The following MAST4 variants were observed in gnomAD, a reference collection of about 807,000 sequenced individuals.
The protein encoded by MAST4 is microtubule-associated serine/threonine-protein kinase 4.
MAST4 carries 89 observed loss-of-function variants against 162.7 expected under a neutral mutation model. The observed-to-expected ratio is 0.55, with a 90% CI of 0.46 to 0.65. The LOEUF (loss-of-function observed/expected upper bound fraction) is 0.65, where lower values mean the gene tolerates loss of function less well. Ranked by LOEUF, MAST4 falls within the 30% of genes least tolerant of loss-of-function variation. The pLI is 0.00. For missense variants in MAST4, 3,153 were observed against 3,374.0 expected (o/e 0.93, Z 1.62); for synonymous variants, 1,479 against 1,361.1 (o/e 1.09, Z -1.91).
At chr5:66,658,554 A>T (rs1561243188) in intron 1 of MAST4, among the ~76,000 whole-genome samples, 1 of 152,250 alleles carries the variant, frequency 6.6e-6, no homozygotes, top group Non-Finnish European at 1.5e-5. Flanking sequence ...TATTGTTAAA[A>T]TGAATTTGCA....
intron 4 of MAST4, among the ~76,000 whole-genome samples, chr5:66,951,596 ATATGTGTGTGTGTGTG>A (rs1464207149): frequency 1.7e-5 from 2 of 114,760 alleles, no homozygotes; most frequent in Non-Finnish European, 3.7e-5. Context: ...GCCTCCCATG[ATATGTGTGTGTGTGTG>A]TGTGTGTGTG....
chr5:66,676,681 G>A (rs1285678262), intron 1 of MAST4, among the ~76,000 whole-genome samples: 1 of 152,172 alleles, frequency 6.6e-6, no homozygotes, highest in East Asian at 1.9e-4. Flanking sequence ...CTTAATTGGC[G>A]CCAGGCTGCC....
At chr5:66,600,124 T>A (rs1219376373) in intron 1 of MAST4, among the ~76,000 whole-genome samples, 2 of 152,226 alleles carry the variant, frequency 1.3e-5, no homozygotes, top group Non-Finnish European at 2.9e-5. Context: ...ACTTCCAAAG[T>A]CTCACACACT....
At chr5:66,640,263 A>G (rs1444465912) in intron 1 of MAST4, among the ~76,000 whole-genome samples, 9 of 151,486 alleles carry the variant, frequency 5.9e-5, no homozygotes, top group Non-Finnish European at 1.2e-4. Flanking sequence ...TTGAGGGCTA[A>G]TATTCCACTA....
At chr5:66,803,404 A>C (rs1476407482) in intron 3 of MAST4, among the ~76,000 whole-genome samples, 3 of 152,184 alleles carry the variant, frequency 2.0e-5, no homozygotes, top group Non-Finnish European at 4.4e-5. Flanking sequence ...TTGCTCATGA[A>C]ATCCTGTAAG....
chr5:67,112,377 A>T (rs1052857994), intron 11 of MAST4, among the ~76,000 whole-genome samples: 2 of 152,132 alleles, frequency 1.3e-5, no homozygotes, highest in Admixed American at 6.5e-5. Flanking sequence ...GTGTCCTCCA[A>T]TTCCATTCCA....
intron 3 of MAST4, among the ~76,000 whole-genome samples, chr5:66,871,971 C>T (rs575965786): frequency 6.6e-6 from 1 of 152,284 alleles, no homozygotes; most frequent in African/African-American, 2.4e-5. Flanking sequence ...TTTTAAACAT[C>T]TGCCATGTGA....
chr5:66,698,896 C>A (rs1469636282), intron 1 of MAST4, among the ~76,000 whole-genome samples: 1 of 152,174 alleles, frequency 6.6e-6, no homozygotes, highest in Admixed American at 6.5e-5. Flanking sequence ...TGTGGGACAC[C>A]CCCGTTCTCA....
chr5:66,861,824 A>T (rs1273754417), intron 3 of MAST4, among the ~76,000 whole-genome samples: 1 of 152,222 alleles, frequency 6.6e-6, no homozygotes. Context: ...TAGAATTTAT[A>T]GTGATTACAC....
chr5:66,903,814 T>G (rs1677231254), intron 4 of MAST4, among the ~76,000 whole-genome samples: 2 of 152,170 alleles, frequency 1.3e-5, no homozygotes, highest in African/African-American at 2.4e-5. Flanking sequence ...AACTACATAG[T>G]GCGGACATTT....
intron 3 of MAST4, among the ~76,000 whole-genome samples, chr5:66,890,991 T>C (rs1762327640): frequency 6.6e-6 from 1 of 152,336 alleles, no homozygotes; most frequent in Admixed American, 6.5e-5. Context: ...CCACTATTTG[T>C]GTAAAAAATT....
At chr5:67,161,620 G>C (rs1293418525) in intron 27 of MAST4, among the ~76,000 whole-genome samples, 2 of 152,136 alleles carry the variant, frequency 1.3e-5, no homozygotes, top group Non-Finnish European at 2.9e-5. Context: ...AATGGGAGAA[G>C]AAACAGGTAA....
At chr5:66,815,020 T>C (rs2149720858) in intron 3 of MAST4, among the ~76,000 whole-genome samples, 1 of 152,308 alleles carries the variant, frequency 6.6e-6, no homozygotes, top group East Asian at 1.9e-4. Context: ...GCTAGAGGGA[T>C]TCCTACCAGT....
chr5:66,753,140 G>A (rs1440615468), intron 1 of MAST4, among the ~76,000 whole-genome samples: 296 of 151,898 alleles, frequency 1.9e-3, no homozygotes, highest in Middle Eastern at 3.4e-3. Flanking sequence ...TCTCTGGGAC[G>A]CATTCAAAGC....
chr5:66,648,761 A>G (rs10067139), intron 1 of MAST4, among the ~76,000 whole-genome samples: 4,104 of 152,142 alleles, frequency 0.027, 200 homozygotes, highest in African/African-American at 0.092. Flanking sequence ...TGATTTTAGT[A>G]TGCGTGATTT....
intron 6 of MAST4, among the ~76,000 whole-genome samples, chr5:67,091,770 C>T (rs1363254444): frequency 2.0e-5 from 3 of 151,980 alleles, no homozygotes; most frequent in Non-Finnish European, 2.9e-5. Flanking sequence ...CTCAAGGACA[C>T]GTGAATCTGG....
At chr5:66,872,449 C>T (rs1024926202) in intron 3 of MAST4, among the ~76,000 whole-genome samples, 13 of 152,086 alleles carry the variant, frequency 8.5e-5, no homozygotes, top group East Asian at 5.8e-4. Flanking sequence ...GGATTACAGG[C>T]GGGAGCCACC....
chr5:66,856,305 G>A (rs1010537374), intron 3 of MAST4, among the ~76,000 whole-genome samples: 1 of 152,202 alleles, frequency 6.6e-6, no homozygotes, highest in Non-Finnish European at 1.5e-5. Context: ...CCTGACTCCC[G>A]ATTGTGTGGT....
chr5:66,829,232 T>G (rs1757434462), intron 3 of MAST4, among the ~76,000 whole-genome samples: 1 of 151,976 alleles, frequency 6.6e-6, no homozygotes, highest in African/African-American at 2.4e-5. Context: ...TAGCAACTCC[T>G]TTCAATTCTG....
Sources: allele counts gnomAD v4.1 joint callset (sites outside exome capture counted in the v4.1 genomes callset), GRCh38; gene constraint gnomAD v4.1.1; transcripts MANE v1.5; gene names NCBI Gene and HGNC (gene_info 2026-07-23, HGNC 2026-07-21).